Variants in LY6E observed in about 807,000 individuals in gnomAD.
LY6E encodes the protein lymphocyte antigen 6 family member E, also known as lymphocyte antigen 6E.
Under a neutral mutation model 7.7 loss-of-function variants are expected in LY6E, and 4 were observed. The ratio of observed to expected loss-of-function variants is 0.52; its 90% confidence interval spans 0.25 to 1.18. The LOEUF (loss-of-function observed/expected upper bound fraction) is 1.18. Ranked by LOEUF, LY6E falls within the 50% of genes most tolerant of loss-of-function variation. The pLI is 0.14. For synonymous variants in LY6E, 81 were observed against 80.1 expected, an observed-to-expected ratio of 1.01 and a Z score of -0.06; for missense variants, 156 against 168.0, an observed-to-expected ratio of 0.93 and a Z score of 0.40.
rs1563909988 is a variant in LY6E, at chr8:143,021,656, T to C, written c.263T>C (p.Met88Thr). ...GGCGTCAATGTTGGTGTGGCTTCCA[T>C]GGGCATCAGCTGCTGCCAGAGCTTT... Reference protein sequence around the residue: ...PEGVNVGVASMGISCCQSFLC... With the variant: ...PEGVNVGVASTGISCCQSFLC... Residue 88 changes from methionine (M) to threonine (T), a missense_variant, in exon 4 of 4, where the codon ATG becomes ACG. Physicochemically the swap from Met to Thr is moderately conservative, Grantham distance 81. Coordinates refer to ENST00000292494, the MANE Select transcript of LY6E (RefSeq NM_002346.3). 2 of 1,613,864 alleles carry C rather than the reference T, an allele frequency of 1.2e-6. No individual in the cohort carries two copies. The highest frequency in any genetic ancestry group is 1.1e-5 in the South Asian group (1 of 91,086).
At position 143,022,204 on chromosome 8, in the gene LY6E, T is replaced by A; in HGVS notation, c.*415T>A. 4.6e-6 allele frequency: 1 copy of A among 216,058 alleles called. No homozygotes were observed. Among genetic ancestry groups the A allele is most frequent in the Non-Finnish European group, 9.1e-6 (1 of 110,206 alleles). 13.4% of individuals were successfully genotyped at this position (216,058 alleles called of 1,614,324 possible). A position where few individuals can be genotyped will look rare whatever the true frequency, so the allele number is the denominator to read the frequency against. Reference sequence around the variant, plus strand: ...GGGGCCATGTTTGGGGAGGGAGGTGTGCCAGCAGCCTGGAGAGCCTCAGTC... The same window carrying A: ...GGGGCCATGTTTGGGGAGGGAGGTGAGCCAGCAGCCTGGAGAGCCTCAGTC... On this transcript the variant is annotated 3_prime_UTR_variant, in exon 4 of 4. Transcript: ENST00000292494.
At position 143,021,327 on chromosome 8, in the gene LY6E, G is replaced by T. The variant is rs896183692; in HGVS notation, c.66G>T (p.Met22Ile). The change falls in exon 3 of 4, where the codon ATG becomes ATT. Residue 22 changes from methionine to isoleucine, a missense_variant. By Grantham distance (10) the Met-to-Ile change is conservative. Transcript: ENST00000292494. ...LLGVERASSL[M>I]CFSCLNQKSN... ...CTCCTTCCGCAGCCAGCTCGCTGAT[G>T]TGCTTCTCCTGCTTGAACCAGAAGA... 1.2e-6 allele frequency: 2 copies of T among 1,613,692 alleles called. No individual in the cohort carries two copies. The highest frequency in any genetic ancestry group is 2.7e-5 in the African/African-American group (2 of 74,948).
rs1382460793 is a variant in LY6E at position 143,020,947 on chromosome 8, T to C, written c.8T>C (p.Ile3Thr). 6.2e-7 allele frequency: 1 copy of C among 1,613,778 alleles called. No homozygotes were observed. Among genetic ancestry groups the C allele is most frequent in the Non-Finnish European group, 8.5e-7 (1 of 1,179,860 alleles). ...ACGGCCATCCTCTCCAGAATGAAGA[T>C]CTTCTTGCCAGTGCTGCTGGCTGCC... is the stretch of plus-strand genomic sequence containing the variant. Reference protein sequence around the residue: MKIFLPVLLAALL... With the variant: MKTFLPVLLAALL... The change falls in exon 2 of 4, where the codon ATC (isoleucine) becomes ACC (threonine). Residue 3 changes from isoleucine (I) to threonine (T), a missense_variant. Physicochemically the swap from Ile to Thr is moderately conservative, Grantham distance 89 (BLOSUM62 -1). Coordinates refer to ENST00000292494, the MANE Select transcript of LY6E (RefSeq NM_002346.3).
rs199590426 is a variant in LY6E, at chr8:143,021,294, G to A, written c.53-20G>A. On this transcript the variant is annotated intron_variant, in intron 2 of 3. Transcript: ENST00000292494. ...GGACACTGGAGGCTTCCCTGAGACA[G>A]GTGTGTCCTCCTTCCGCAGCCAGCT... is the stretch of plus-strand genomic sequence containing the variant. 6.3e-5 allele frequency: 101 copies of A among 1,610,650 alleles called. No homozygotes were observed. Among genetic ancestry groups the A allele is most frequent in the Admixed American group, 6.0e-4 (36 of 59,966 alleles).
rs1819225178 is a variant in LY6E, at chr8:143,021,583, G to T, written c.190G>T (p.Gly64Cys). The part of the protein sequence containing the change: ...SAGIGNLVTF[G>C]HSLSKTCSPA... ...CCATGCAGGGAATCTCGTGACATTT[G>T]GCCACAGCCTGAGCAAGACCTGTTC... Residue 64 changes from glycine (G) to cysteine (C), a missense_variant, in exon 4 of 4, where the codon GGC becomes TGC. Physicochemically the swap from Gly to Cys is radical, Grantham distance 159 (BLOSUM62 -3). Transcript: ENST00000292494. 1 of 1,613,782 alleles carries T rather than the reference G, an allele frequency of 6.2e-7. No homozygotes were observed. The highest frequency in any genetic ancestry group is 8.5e-7 in the Non-Finnish European group (1 of 1,180,028).
chr8:143,021,267 A>C (rs550400755), intron 2 of LY6E, 47 bp from the exon 3 acceptor site: 2 of 1,599,314 alleles, frequency 1.3e-6, no homozygotes, highest in African/African-American at 2.7e-5. Context: ...CAGGCCTGGG[A>C]GGGACACTGG....
rs960716089 is a variant in LY6E at position 143,021,403 on chromosome 8, T to C, written c.142T>C (p.Cys48Arg). The C allele has an allele frequency of 6.2e-7, 1 of 1,614,000 alleles. No individual in the cohort carries two copies. Among genetic ancestry groups the C allele is most frequent in the Non-Finnish European group, 8.5e-7 (1 of 1,180,020 alleles). ...PTICSDQDNY[C>R]VTVSASAGIG... ...CATCTGCTCCGACCAGGACAACTAC[T>C]GCGTGACTGTGTCTGCTAGTGCCGG... The change falls in exon 3 of 4, where the codon TGC becomes CGC. Residue 48 changes from cysteine to arginine, a missense_variant. By Grantham distance (180) the Cys-to-Arg change is radical (BLOSUM62 -3). Transcript: ENST00000292494.
At chr8:143,018,721 G>C (rs1245482895) in intron 1 of LY6E, 135 bp downstream of exon 1, 1 of 152,076 alleles carries the variant, frequency 6.6e-6, no homozygotes, top group Non-Finnish European at 1.5e-5. Context: ...GGGCCGGGGC[G>C]GGAGAGGGTG....
At position 143,021,401 on chromosome 8, in the gene LY6E, A is replaced by G. The variant is rs755330468; in HGVS notation, c.140A>G (p.Tyr47Cys). Residue 47 changes from tyrosine (Y) to cysteine (C), a missense_variant, in exon 3 of 4, where the codon TAC becomes TGC. Tyr to Cys is a radical substitution (Grantham distance 194, BLOSUM62 -2). Transcript: ENST00000292494. ...ACCATCTGCTCCGACCAGGACAACT[A>G]CTGCGTGACTGTGTCTGCTAGTGCC... ...KPTICSDQDN[Y>C]CVTVSASAGI... The G allele has an allele frequency of 1.2e-6, 2 of 1,613,800 alleles. No individual in the cohort carries two copies. The highest frequency in any genetic ancestry group is 2.7e-5 in the African/African-American group (2 of 74,878).
intron 3 of LY6E, 28 bp downstream of exon 3, chr8:143,021,461 T>C (rs765874942): frequency 6.2e-7 from 1 of 1,613,750 alleles, no homozygotes. Context: ...GACCGTGCCT[T>C]CCTCCCCTGG....
At chr8:143,021,053 AC>A in intron 2 of LY6E, 62 bp downstream of exon 2, 1 of 1,569,242 alleles carries the variant, frequency 6.4e-7, no homozygotes. Flanking sequence ...CTCCCTCTCC[AC>A]CCCTCTCCCC....
At position 143,021,713 on chromosome 8, in the gene LY6E, T is replaced by C; in HGVS notation, c.320T>C (p.Leu107Pro). ...AATTTCAGTGCGGCCGATGGCGGGC[T>C]GCGGGCAAGCGTCACCCTGCTGGGT... ...LCNFSAADGG[L>P]RASVTLLGAG... is the part of the protein sequence containing the mutation. Residue 107 changes from leucine (L) to proline (P), a missense_variant, in exon 4 of 4, where the codon CTG (leucine) becomes CCG (proline). Physicochemically the swap from Leu to Pro is moderately conservative, Grantham distance 98. Coordinates refer to ENST00000292494, the MANE Select transcript of LY6E (RefSeq NM_002346.3). 6.2e-7 allele frequency: 1 copy of C among 1,613,464 alleles called. No individual in the cohort carries two copies. The highest frequency in any genetic ancestry group is 8.5e-7 in the Non-Finnish European group (1 of 1,180,020).
In LY6E at chr8:143,021,886, C is replaced by T; in HGVS notation, c.*97C>T. Reference sequence around the variant, plus strand: ...ATGGGAGCCCCTGACTCCTCACGTGCCTGATCTGTGCCCTTGGTCCCAGGT... The same window carrying T: ...ATGGGAGCCCCTGACTCCTCACGTGTCTGATCTGTGCCCTTGGTCCCAGGT... On this transcript the variant is annotated 3_prime_UTR_variant, in exon 4 of 4. Coordinates refer to ENST00000292494, the MANE Select transcript of LY6E (RefSeq NM_002346.3). 2 of 1,135,316 alleles carry T rather than the reference C, an allele frequency of 1.8e-6. No individual in the cohort carries two copies. The highest frequency in any genetic ancestry group is 2.5e-5 in the East Asian group (1 of 39,512). 70.3% of individuals were successfully genotyped at this position (1,135,316 alleles called of 1,614,324 possible). A position where few individuals can be genotyped will look rare whatever the true frequency, so the allele number is the denominator to read the frequency against.
chr8:143,018,984 C>T (rs1819141552), intron 1 of LY6E: 1 of 152,348 alleles, frequency 6.6e-6, no homozygotes, highest in Non-Finnish European at 1.5e-5. Context: ...GAGGGACAGC[C>T]TTGAGGACTA....
At position 143,021,339 on chromosome 8, in the gene LY6E, C is replaced by T. The variant is rs771128484; in HGVS notation, c.78C>T (p.Cys26=). 4 of 1,613,902 alleles carry T rather than the reference C, an allele frequency of 2.5e-6. No homozygotes were observed. The Admixed American group carries it at 5.0e-5, about 20-fold the overall frequency. ...ERASSLMCFS[C]LNQKSNLYCL... is the part of the protein sequence containing the mutation. ...CCAGCTCGCTGATGTGCTTCTCCTG[C>T]TTGAACCAGAAGAGCAATCTGTACT... Residue 26 remains cysteine (C), a synonymous_variant, in exon 3 of 4, where the codon TGC becomes TGT. Transcript: ENST00000292494.
rs1240715956 is a variant in LY6E, at chr8:143,022,075, A to G, written c.*286A>G. The G allele has an allele frequency of 1.9e-6, 1 of 536,394 alleles. No homozygotes were observed. Among genetic ancestry groups the G allele is most frequent in the Non-Finnish European group, 3.3e-6 (1 of 303,970 alleles). 33.2% of individuals were successfully genotyped at this position (536,394 alleles called of 1,614,324 possible). A position where few individuals can be genotyped will look rare whatever the true frequency, so the allele number is the denominator to read the frequency against. The stretch of plus-strand genomic sequence containing the variant: ...CGGTCCAACATCAGGACCAAGTCCC[A>G]TGGACATGCTGACAGGGTCCCCAGG... On this transcript the variant is annotated 3_prime_UTR_variant, in exon 4 of 4. Transcript: ENST00000292494.
At chr8:143,018,632 C>T (rs1048848289) in intron 1 of LY6E, 46 bp downstream of exon 1, 1 of 150,184 alleles carries the variant, frequency 6.7e-6, no homozygotes, top group African/African-American at 2.4e-5. Flanking sequence ...CACCTGCGCG[C>T]ACGCGCTCAG....
Position 143,021,896 on chromosome 8 carries a change from G to A in LY6E, c.*107G>A, listed in dbSNP as rs1170311325. The A allele has an allele frequency of 1.9e-6, 2 of 1,071,696 alleles. No homozygotes were observed. Among genetic ancestry groups the A allele is most frequent in the Admixed American group, 5.4e-5 (2 of 36,916 alleles). The allele number at this position is 1,071,696 out of a possible 1,614,324, so 66.4% of individuals were successfully genotyped here. A position where few individuals can be genotyped will look rare whatever the true frequency, so the allele number is the denominator to read the frequency against. On this transcript the variant is annotated 3_prime_UTR_variant, in exon 4 of 4. Transcript: ENST00000292494. ...CTGACTCCTCACGTGCCTGATCTGT[G>A]CCCTTGGTCCCAGGTCAGGCCCACC... is the stretch of plus-strand genomic sequence containing the variant.
At chr8:143,019,639 A>G (rs1323397116) in intron 1 of LY6E, among the ~76,000 whole-genome samples, 2 of 152,062 alleles carry the variant, frequency 1.3e-5, no homozygotes, top group Admixed American at 6.5e-5. Context: ...CCCACTCCCA[A>G]CCCCAGGATG....
Sources: allele counts gnomAD v4.1 joint callset (sites outside exome capture counted in the v4.1 genomes callset), GRCh38; gene constraint gnomAD v4.1.1; transcripts MANE v1.5; gene names NCBI Gene and HGNC (gene_info 2026-07-23, HGNC 2026-07-21).